Variants in C4orf51 observed in about 807,000 individuals in gnomAD.
C4orf51 encodes the protein chromosome 4 open reading frame 51, also known as uncharacterized protein C4orf51.
Under a neutral mutation model 25.2 loss-of-function variants are expected in C4orf51, and 25 were observed. The observed-to-expected ratio is 0.99, with a 90% CI of 0.72 to 1.39. The LOEUF (loss-of-function observed/expected upper bound fraction) is 1.39. C4orf51 is among the 40% of genes most tolerant of loss of function. C4orf51 has a pLI of 0.00. For synonymous variants in C4orf51, 100 were observed against 84.5 expected (o/e 1.18, Z -1.01); for missense variants, 252 against 239.6 (o/e 1.05, Z -0.34).
In C4orf51 at chr4:145,696,934, G is replaced by A. The variant is rs909257586; in HGVS notation, c.307+302G>A. ...TACCTGTAATCCCAGCTACTTGGAA[G>A]GATGAGGCAGGAGAATTGCTTGAAC... On this transcript the variant is annotated intron_variant, in intron 2 of 5. Coordinates refer to ENST00000438731, the MANE Select transcript of C4orf51 (RefSeq NM_001080531.3). Among the ~76,000 whole-genome samples, 28 of 152,032 alleles carry A rather than the reference G, an allele frequency of 1.8e-4. 1 individual carries two copies. The highest frequency in any genetic ancestry group is 1.8e-3 in the Admixed American group (28 of 15,282).
chr4:145,770,903 A>G (rs1736183704), intron 1 of C4orf51: 3 of 152,292 alleles, frequency 2.0e-5, no homozygotes, highest in Non-Finnish European at 2.9e-5. Flanking sequence ...GAGTTTTACA[A>G]CTCCGCAGGG....
At chr4:145,746,122 C>A (rs1241177618) in intron 1 of C4orf51, among the ~76,000 whole-genome samples, 2 of 152,058 alleles carry the variant, frequency 1.3e-5, no homozygotes, top group East Asian at 3.8e-4. Flanking sequence ...GATTACTAAT[C>A]CCTTGTCAGA....
chr4:145,728,013 GTA>G (rs1302467797), intron 3 of C4orf51, among the ~76,000 whole-genome samples: 2 of 125,072 alleles, frequency 1.6e-5, no homozygotes, highest in East Asian at 4.2e-4. Context: ...TATAATGTGT[GTA>G]TATATAATAT....
In C4orf51 at chr4:145,732,707, T is replaced by C. The variant is rs1239227003; in HGVS notation, c.*147T>C. On this transcript the variant is annotated 3_prime_UTR_variant, in exon 6 of 6. Transcript: ENST00000438731. ...AGGTTGGCTTTCTGGGACAATTCCA[T>C]GGGCTTCATTTATCAGTTTTTTCCC... The C allele has an allele frequency of 5.9e-6, 3 of 504,380 alleles. No individual in the cohort carries two copies. Among genetic ancestry groups the C allele is most frequent in the Non-Finnish European group, 7.0e-6 (2 of 285,562 alleles). 31.2% of individuals were successfully genotyped at this position (504,380 alleles called of 1,614,324 possible). A position where few individuals can be genotyped will look rare whatever the true frequency, so the allele number is the denominator to read the frequency against.
chr4:145,764,442 G>A (rs556096516), intron 1 of C4orf51, among the ~76,000 whole-genome samples: 1 of 152,316 alleles, frequency 6.6e-6, no homozygotes, highest in South Asian at 2.1e-4. Context: ...GATGATGCTC[G>A]TTGTCTAGAT....
At chr4:145,752,172 A>G (rs1733710806) in intron 1 of C4orf51, among the ~76,000 whole-genome samples, 1 of 152,224 alleles carries the variant, frequency 6.6e-6, no homozygotes, top group South Asian at 2.1e-4. Flanking sequence ...CTAAGGTTCA[A>G]GACAAAGTCC....
intron 1 of C4orf51, among the ~76,000 whole-genome samples, chr4:145,743,179 C>G (rs1733191733): frequency 6.6e-6 from 1 of 152,154 alleles, no homozygotes; most frequent in Admixed American, 6.5e-5. Flanking sequence ...TACCTCATCT[C>G]TGTCTTTTTT....
chr4:145,723,534 G>A (rs1226689288), intron 2 of C4orf51, among the ~76,000 whole-genome samples: 1 of 151,952 alleles, frequency 6.6e-6, no homozygotes, highest in Non-Finnish European at 1.5e-5. Context: ...CTCTGATTCT[G>A]CAAGCCTACA....
At chr4:145,774,688 A>G (rs1471735346), downstream of C4orf51, 1 of 1,610,034 alleles carries the variant, frequency 6.2e-7, no homozygotes, top group Admixed American at 1.7e-5. Context: ...TGAAAGGGTA[A>G]AAGAAAAGAG....
downstream of C4orf51, among the ~76,000 whole-genome samples, chr4:145,772,957 C>G (rs1736510955): frequency 6.6e-6 from 1 of 152,156 alleles, no homozygotes; most frequent in Non-Finnish European, 1.5e-5. Flanking sequence ...GATGACAAGT[C>G]CAGCTTCTGC....
chr4:145,790,363 C>T, the C4orf51 span, among the ~76,000 whole-genome samples: 59 of 152,152 alleles, frequency 3.9e-4, no homozygotes, highest in East Asian at 8.3e-3. Context: ...GAACAGATCA[C>T]TATAATTAAA....
rs551219561 is a variant in C4orf51, at chr4:145,765,797, C to T, written n.167-5191C>T. 1.1e-3 allele frequency: 1,721 copies of T among 1,536,614 alleles called. 37 individuals carry two copies. In the South Asian group the frequency reaches 0.02, roughly 18 times the overall value. ...GAGATGAAAATCCTCAGAATTATAG[C>T]AACTGAGGGTGACGAGTTGAGTCTC... On this transcript the variant is annotated intron_variant and non_coding_transcript_variant, in intron 1 of 1. Transcript: ENST00000510096. This position sits in a 1 kb window ranked among gnomAD's most constrained non-coding sequence, Gnocchi z 4.7.
At chr4:145,694,125 C>A (rs1729849415) in intron 1 of C4orf51, among the ~76,000 whole-genome samples, 1 of 94,750 alleles carries the variant, frequency 1.1e-5, no homozygotes, top group Non-Finnish European at 2.0e-5. Flanking sequence ...GGCAGAGGCG[C>A]TCCCCACATC....
At chr4:145,711,536 A>G (rs1444136780) in intron 2 of C4orf51, among the ~76,000 whole-genome samples, 2 of 151,912 alleles carry the variant, frequency 1.3e-5, no homozygotes, top group Non-Finnish European at 2.9e-5. Context: ...TTCTGGTACT[A>G]TCATAGTCTG....
At chr4:145,733,329 C>T (rs1033858593), downstream of C4orf51, among the ~76,000 whole-genome samples, 3 of 152,326 alleles carry the variant, frequency 2.0e-5, no homozygotes, top group East Asian at 5.8e-4. Context: ...GATTCCCCCC[C>T]ACCACCGCCC....
In C4orf51 at chr4:145,727,845, G is replaced by C. The variant is rs549109544; in HGVS notation, c.366+876G>C. On this transcript the variant is annotated intron_variant, in intron 3 of 5. Transcript: ENST00000438731. ...TGCAGTGAGCTGAGATCATGCCACT[G>C]CACCGCAGCCTGGGCAACAAGAGTG... Among the ~76,000 whole-genome samples, 13 of 142,092 alleles carry C rather than the reference G, an allele frequency of 9.1e-5. No homozygotes were observed. In the East Asian group the frequency reaches 2.6e-3, roughly 29 times the overall value. The allele number at this position is 142,092 out of a possible 152,430, so 93.2% of individuals were successfully genotyped here.
chr4:145,753,144 G>A (rs1228045452), intron 1 of C4orf51, among the ~76,000 whole-genome samples: 1 of 34,366 alleles, frequency 2.9e-5, no homozygotes, highest in Non-Finnish European at 5.0e-5. Context: ...AAGGTTTTGT[G>A]TGTGTGTGTG....
rs543927207 is a variant in C4orf51 at position 145,754,004 on chromosome 4, G to A, written n.168-203G>A. Among the ~76,000 whole-genome samples the A allele has an allele frequency of 2.6e-5, 4 of 152,306 alleles. No homozygotes were observed. The East Asian group carries it at 7.7e-4, about 29-fold the overall frequency. The stretch of plus-strand genomic sequence containing the variant: ...ATGACACAGTGCTGTCCTTGGCTCT[G>A]CCCAAGACCATCAGTCCTTCTCAAG... On this transcript the variant is annotated intron_variant and non_coding_transcript_variant, in intron 1 of 1. Transcript: ENST00000508981.
chr4:145,758,113 CAAT>C (rs764718979), downstream of C4orf51: 2 of 152,004 alleles, frequency 1.3e-5, no homozygotes, highest in African/African-American at 2.4e-5. Flanking sequence ...TTATTAATAA[CAAT>C]AATAATATAA....
Sources: allele counts gnomAD v4.1 joint callset (sites outside exome capture counted in the v4.1 genomes callset), GRCh38; gene constraint gnomAD v4.1.1; non-coding constraint Gnocchi (gnomAD v3.1); transcripts MANE v1.5; gene names NCBI Gene and HGNC (gene_info 2026-07-23, HGNC 2026-07-21).